ATP8B1: variants seen among roughly 807,000 people sequenced by gnomAD.
ATP8B1 encodes the protein phospholipid-transporting ATPase IC.
In ATP8B1, 80 loss-of-function variants were observed where a neutral mutation model predicts 149.9. That is an observed-to-expected ratio of 0.53 (90% CI 0.45 to 0.64). ATP8B1 has a LOEUF of 0.64. ATP8B1 is among the 30% of genes least tolerant of loss of function. The pLI is 0.00. For synonymous variants in ATP8B1, 536 were observed against 562.8 expected (o/e 0.95, Z 0.67); for missense variants, 1,247 against 1,552.6 (o/e 0.80, Z 3.31).
In ATP8B1 at chr18:57,692,585, G is replaced by A. The variant is rs116950772; in HGVS notation, c.1030-588C>T. The stretch of plus-strand genomic sequence containing the variant: ...TGAGTAGCTGGGATTACAGGCACGC[G>A]CCACCAAGGCCGGCTAATTTTTGTC... On this transcript the variant is annotated intron_variant, in intron 11 of 27. Transcript: ENST00000648908. Among the ~76,000 whole-genome samples the A allele has an allele frequency of 1.9e-3, 285 of 151,898 alleles. 10 individuals are homozygous for A. In the East Asian group the frequency reaches 0.045, roughly 24 times the overall value.
At chr18:57,791,351 CT>C (rs570282416) in intron 1 of ATP8B1, among the ~76,000 whole-genome samples, 172 of 82,372 alleles carry the variant, frequency 2.1e-3, no homozygotes, top group East Asian at 3.1e-3. Context: ...CTTTTCTTTT[CT>C]TTTTTTTTTT....
intron 19 of ATP8B1, 82 bp downstream of exon 19, chr18:57,668,347 G>A (rs918979301): frequency 7.9e-6 from 11 of 1,389,222 alleles, no homozygotes; most frequent in African/African-American, 5.7e-5. Context: ...TGAAAAGTCT[G>A]AGGAGGTCAT....
At chr18:57,713,313 C>A (rs1302335527) in intron 2 of ATP8B1, among the ~76,000 whole-genome samples, 1 of 141,262 alleles carries the variant, frequency 7.1e-6, no homozygotes, top group Non-Finnish European at 1.5e-5. Context: ...TCTTTCTTTT[C>A]AGAGATAGAG....
chr18:57,704,003 G>A (rs1913260980), intron 4 of ATP8B1, among the ~76,000 whole-genome samples: 1 of 152,094 alleles, frequency 6.6e-6, no homozygotes, highest in South Asian at 2.1e-4. Flanking sequence ...TTTAGCTCTT[G>A]TTGTCCAAGC....
At position 57,756,236 on chromosome 18, in the gene ATP8B1, C is replaced by CACACATAT. The variant is rs1270164219; in HGVS notation, c.-25-24405_-25-24404insATATGTGT. ...ACACACACACACACACACACACACA[C>CACACATAT]ATATATACACACACACATATATATA... is the stretch of plus-strand genomic sequence containing the variant. On this transcript the variant is annotated intron_variant, in intron 1 of 27. Transcript: ENST00000648908. 2.9e-3 allele frequency among the ~76,000 whole-genome samples: 303 copies of CACACATAT among 106,132 alleles called. 10 individuals are homozygous for CACACATAT. The highest frequency in any genetic ancestry group is 0.011 in the Middle Eastern group (2 of 186). The allele number at this position is 106,132 out of a possible 152,430, so 69.6% of individuals were successfully genotyped here.
At chr18:57,665,115 T>A (rs919943133) in intron 20 of ATP8B1, among the ~76,000 whole-genome samples, 1 of 151,618 alleles carries the variant, frequency 6.6e-6, no homozygotes, top group Non-Finnish European at 1.5e-5. Context: ...GCAAACTCAC[T>A]CCCCACGGAG....
intron 2 of ATP8B1, among the ~76,000 whole-genome samples, chr18:57,721,687 A>AC (rs1372896092): frequency 8.0e-6 from 1 of 125,352 alleles, no homozygotes; most frequent in Non-Finnish European, 1.7e-5. Flanking sequence ...AGACAGATCA[A>AC]CGAGACAGAA....
chr18:57,753,931 CAAAAAA>C (rs1218057370), intron 1 of ATP8B1, among the ~76,000 whole-genome samples: 1 of 71,040 alleles, frequency 1.4e-5, no homozygotes, highest in African/African-American at 6.0e-5. Flanking sequence ...GACTCTGTCT[CAAAAAA>C]AAAAAAAAAA....
chr18:57,713,157 C>CTCTCTCTTTCTTTCTTTCTTTCTTTCTT (rs1555694194), intron 2 of ATP8B1, among the ~76,000 whole-genome samples: 1 of 92,044 alleles, frequency 1.1e-5, no homozygotes, highest in Non-Finnish European at 2.1e-5. Flanking sequence ...CTTGATCTTT[C>CTCTCTCTTTCTTTCTTTCTTTCTTTCTT]TCTTTCTTTC....
chr18:57,714,168 T>C (rs1387934330), intron 2 of ATP8B1, among the ~76,000 whole-genome samples: 2 of 152,018 alleles, frequency 1.3e-5, no homozygotes, highest in Non-Finnish European at 2.9e-5. Flanking sequence ...AGGCCTGTGG[T>C]GGTGGTGGAC....
At chr18:57,714,085 A>T (rs1157161967) in intron 2 of ATP8B1, among the ~76,000 whole-genome samples, 1 of 152,104 alleles carries the variant, frequency 6.6e-6, no homozygotes. Flanking sequence ...GACTGAAAGG[A>T]TTTACCACAA....
chr18:57,778,051 G>A (rs1055103780), intron 1 of ATP8B1, among the ~76,000 whole-genome samples: 2 of 152,174 alleles, frequency 1.3e-5, no homozygotes, highest in Non-Finnish European at 2.9e-5. Context: ...ACTTTCCAGT[G>A]ATGGTCAACA....
intron 13 of ATP8B1, among the ~76,000 whole-genome samples, chr18:57,688,019 G>C (rs192878782): frequency 4.7e-4 from 71 of 152,208 alleles, no homozygotes; most frequent in African/African-American, 1.7e-3. Flanking sequence ...CTGACCTCTT[G>C]GGATCTGCCC....
intron 1 of ATP8B1, among the ~76,000 whole-genome samples, chr18:57,791,928 G>A (rs2080468191): frequency 6.6e-6 from 1 of 152,180 alleles, no homozygotes; most frequent in African/African-American, 2.4e-5. Context: ...GGAAGGGCAT[G>A]TCTGCTTTGC....
chr18:57,747,840 A>G (rs940385224), intron 1 of ATP8B1, among the ~76,000 whole-genome samples: 3 of 152,246 alleles, frequency 2.0e-5, no homozygotes, highest in African/African-American at 7.2e-5. Context: ...AAGTCAGCTT[A>G]GAGTACTCAA....
chr18:57,725,843 A>T (rs769413651), intron 2 of ATP8B1, among the ~76,000 whole-genome samples: 5 of 152,256 alleles, frequency 3.3e-5, no homozygotes, highest in Admixed American at 6.5e-5. Context: ...GATGAATGAA[A>T]GTAGACCCCA....
At chr18:57,710,274 T>G (rs926899056) in intron 2 of ATP8B1, among the ~76,000 whole-genome samples, 2 of 152,236 alleles carry the variant, frequency 1.3e-5, no homozygotes, top group South Asian at 2.1e-4. Flanking sequence ...GAACTATCCA[T>G]GTACATGTAC....
At chr18:57,782,499 TGAGA>T (rs777209631) in intron 1 of ATP8B1, among the ~76,000 whole-genome samples, 7 of 152,230 alleles carry the variant, frequency 4.6e-5, no homozygotes, top group Non-Finnish European at 8.8e-5. Flanking sequence ...TGACTACGCA[TGAGA>T]GAATCAGCCA....
At chr18:57,658,014 A>G (rs1336553055) in intron 22 of ATP8B1, among the ~76,000 whole-genome samples, 1 of 152,228 alleles carries the variant, frequency 6.6e-6, no homozygotes, top group East Asian at 1.9e-4. Context: ...TTCCTTAACA[A>G]AAAGAATATT....
Sources: gnomAD v4.1 joint callset for allele counts (sites outside exome capture counted in the v4.1 genomes callset) on GRCh38, gnomAD v4.1.1 for gene constraint, MANE v1.5 for transcripts, NCBI Gene and HGNC (gene_info 2026-07-23, HGNC 2026-07-21) for gene names.